CEP97: variants seen among roughly 807,000 people sequenced by gnomAD.
CEP97 encodes centrosomal protein 97.
Under a neutral mutation model 73.1 loss-of-function variants are expected in CEP97, and 43 were observed. That is an observed-to-expected ratio of 0.59 (90% CI 0.46 to 0.76). The LOEUF (loss-of-function observed/expected upper bound fraction) is 0.76. Ranked by LOEUF, CEP97 falls within the 30% of genes least tolerant of loss-of-function variation. CEP97 has a pLI of 0.00. For synonymous variants in CEP97, 337 were observed against 370.0 expected (o/e 0.91, Z 1.02); for missense variants, 939 against 1,014.0 (o/e 0.93, Z 1.00).
rs563439164 is a variant in CEP97 at position 101,765,785 on chromosome 3, A to T, written c.*234A>T. ...CCAAACTATTTATATTGAAAGCTAT[A>T]TGCACTTTATTTCTTAACTGAATTG... On this transcript the variant is annotated 3_prime_UTR_variant, in exon 11 of 11. Coordinates refer to ENST00000341893, the MANE Select transcript of CEP97 (RefSeq NM_024548.4). The T allele has an allele frequency of 1.5e-4, 59 of 404,182 alleles. No individual in the cohort carries two copies. The Middle Eastern group carries it at 2.5e-3, about 17-fold the overall frequency. 25.0% of individuals were successfully genotyped at this position (404,182 alleles called of 1,614,324 possible).
At chr3:101,749,576 TTCC>T (rs2107169328) in intron 6 of CEP97, among the ~76,000 whole-genome samples, 1 of 131,240 alleles carries the variant, frequency 7.6e-6, no homozygotes, top group African/African-American at 2.9e-5. Flanking sequence ...CCACACTGAC[TTCC>T]ACAATGGTTG....
intron 6 of CEP97, among the ~76,000 whole-genome samples, chr3:101,754,895 G>C (rs761666623): frequency 7.1e-6 from 1 of 140,490 alleles, no homozygotes; most frequent in East Asian, 2.3e-4. Flanking sequence ...ATTCAGGTTT[G>C]ATTTTTTTTT....
At position 101,742,054 on chromosome 3, in the gene CEP97, A is replaced by AAC. The variant is rs1553789009; in HGVS notation, c.728+9400_728+9401insAC. Among the ~76,000 whole-genome samples the AAC allele has an allele frequency of 1.8e-3, 264 of 149,014 alleles. 1 individual carries two copies. The highest frequency in any genetic ancestry group is 3.3e-3 in the African/African-American group (136 of 40,650). ...GAGACTCCGTCTCAAAAAAAAAAAA[A>AAC]CAAAAAAACAAAAAAACAAAAAAAA... On this transcript the variant is annotated intron_variant, in intron 6 of 10. Transcript: ENST00000341893.
chr3:101,736,920 A>G lies in CEP97; in HGVS notation c.728+4266A>G, dbSNP rs1560010799. Among the ~76,000 whole-genome samples, 4 of 152,254 alleles carry G rather than the reference A, an allele frequency of 2.6e-5. No homozygotes were observed. In the East Asian group the frequency reaches 7.7e-4, roughly 29 times the overall value. On this transcript the variant is annotated intron_variant, in intron 6 of 10. Transcript: ENST00000341893. ...GAGCTAAAGGAGCATATTCTAACCC[A>G]ATGCAAGGAAGCTAAGAACCTTGAA...
At chr3:101,763,025 C>T (rs1276707501) in intron 10 of CEP97, 2 of 1,189,732 alleles carry the variant, frequency 1.7e-6, no homozygotes, top group Non-Finnish European at 2.2e-6. Flanking sequence ...GTTGGTTTTA[C>T]TAGCATTGTA....
chr3:101,726,775 A>G (rs373314714), intron 2 of CEP97, 39 bp downstream of exon 2: 9 of 1,427,102 alleles, frequency 6.3e-6, no homozygotes, highest in South Asian at 1.3e-5. Flanking sequence ...CATAGGATCA[A>G]TTTATTATTA....
At chr3:101,762,698 A>G in intron 10 of CEP97, 138 bp downstream of exon 10, 1 of 556,760 alleles carries the variant, frequency 1.8e-6, no homozygotes, top group Non-Finnish European at 3.1e-6. Context: ...TTCGCCACTA[A>G]CTGTGAACTA....
rs1415251629 is a variant in CEP97, at chr3:101,757,196, G to A, written c.1027G>A (p.Glu343Lys). Residue 343 changes from glutamate to lysine, a missense_variant and splice_region_variant, in exon 8 of 11, where the codon GAA (glutamate) becomes AAA (lysine). Transcript: ENST00000341893. ...VQDCQISQES[E>K]PVIQVNSWVG... is the part of the protein sequence containing the mutation. ...AGATTGCCAGATATCCCAGGAAAGTGGTAAGAAATGAATTTATCTCTGATC... is the reference window on the plus strand; with the variant it reads ...AGATTGCCAGATATCCCAGGAAAGTAGTAAGAAATGAATTTATCTCTGATC... 15 of 1,599,586 alleles carry A rather than the reference G, an allele frequency of 9.4e-6. No homozygotes were observed. The Middle Eastern group carries it at 5.0e-4, about 53-fold the overall frequency.
At chr3:101,726,838 A>T in intron 2 of CEP97, 102 bp downstream of exon 2, 1 of 805,238 alleles carries the variant, frequency 1.2e-6, no homozygotes, top group Non-Finnish European at 1.9e-6. Flanking sequence ...CCTAGCAAGC[A>T]GTCATTGTTG....
In CEP97 at chr3:101,762,527, A is replaced by T. The variant is rs1295357241; in HGVS notation, c.1860A>T (p.Val620=). ...ATGAAGAACGTATTAAAAAATTTGT[A>T]CAAGAAGAAGCTTTCAGATTCCTTT... The part of the protein sequence containing the change: ...ERDEERIKKF[V]QEEAFRFLWN... Residue 620 remains valine, a synonymous_variant, in exon 10 of 11, where the codon GTA becomes GTT. Coordinates refer to ENST00000341893, the MANE Select transcript of CEP97 (RefSeq NM_024548.4). 1.2e-6 allele frequency: 2 copies of T among 1,611,466 alleles called. No homozygotes were observed. Among genetic ancestry groups the T allele is most frequent in the Non-Finnish European group, 1.7e-6 (2 of 1,178,726 alleles).
chr3:101,728,461 G>A (rs140949500), intron 3 of CEP97, among the ~76,000 whole-genome samples: 9,722 of 151,816 alleles, frequency 0.064, 327 homozygotes, highest in Middle Eastern at 0.12. Flanking sequence ...ACAGGGTTTC[G>A]CCATGTTGGC....
At position 101,727,426 on chromosome 3, in the gene CEP97, C is replaced by T. The variant is rs143663483; in HGVS notation, c.230C>T (p.Ala77Val). 52 of 1,613,734 alleles carry T rather than the reference C, an allele frequency of 3.2e-5. No individual in the cohort carries two copies. In the African/African-American group the frequency reaches 5.6e-4, roughly 17 times the overall value. ...NNRLVRMMGV[A>V]KLTLLRVLNL... ...CGGCTGGTTCGGATGATGGGTGTGG[C>T]CAAGCTGACGTTGCTTCGTGTATTA... The change falls in exon 3 of 11, where the codon GCC (alanine) becomes GTC (valine). Residue 77 changes from alanine (A) to valine (V), a missense_variant. By Grantham distance (64) the Ala-to-Val change is moderately conservative. Transcript: ENST00000341893.
chr3:101,762,882 C>G (rs1331842101), intron 10 of CEP97, among the ~76,000 whole-genome samples: 1 of 152,104 alleles, frequency 6.6e-6, no homozygotes, highest in Non-Finnish European at 1.5e-5. Flanking sequence ...ATCGATCTGT[C>G]TTTTGGGAAT....
At position 101,732,492 on chromosome 3, in the gene CEP97, C is replaced by CT; in HGVS notation, c.572dup (p.Leu191PhefsTer6). On this transcript the variant is annotated frameshift_variant, in exon 6 of 11. Coordinates refer to ENST00000341893, the MANE Select transcript of CEP97 (RefSeq NM_024548.4). LOFTEE classifies it high-confidence loss of function. ...CAAAGATATCTTTTGTTCCAGATCTCTTTTTTGGCATCCTTAACTGAATTG... is the reference window on the plus strand; with the variant it reads ...CAAAGATATCTTTTGTTCCAGATCTCTTTTTTTGGCATCCTTAACTGAATTG... 2 of 1,601,340 alleles carry CT rather than the reference C, an allele frequency of 1.2e-6. No homozygotes were observed. Among genetic ancestry groups the CT allele is most frequent in the Non-Finnish European group, 1.7e-6 (2 of 1,170,756 alleles).
chr3:101,734,214 G>A (rs2107139449), intron 6 of CEP97, among the ~76,000 whole-genome samples: 1 of 152,296 alleles, frequency 6.6e-6, no homozygotes, highest in East Asian at 1.9e-4. Context: ...CTTGGAGCTG[G>A]GATCCCTGCA....
intron 6 of CEP97, among the ~76,000 whole-genome samples, chr3:101,738,342 G>A (rs892243466): frequency 6.6e-6 from 1 of 152,106 alleles, no homozygotes; most frequent in African/African-American, 2.4e-5. Flanking sequence ...GGACCAAGCA[G>A]ACCTAATAGA....
chr3:101,738,581 A>G (rs1238054661), intron 6 of CEP97, among the ~76,000 whole-genome samples: 2 of 152,334 alleles, frequency 1.3e-5, no homozygotes, highest in East Asian at 3.9e-4. Context: ...CTCCTCCTGA[A>G]TAACTACTGG....
rs138254196 is a variant in CEP97 at position 101,736,074 on chromosome 3, C to G, written c.728+3420C>G. On this transcript the variant is annotated intron_variant, in intron 6 of 10. Transcript: ENST00000341893. ...TTTCCCCTCACAGTGTAAACAAAATCTCCCGCAAGTTCAAACTGGGCAGAG... is the reference window on the plus strand; with the variant it reads ...TTTCCCCTCACAGTGTAAACAAAATGTCCCGCAAGTTCAAACTGGGCAGAG... Among the ~76,000 whole-genome samples, 99 of 152,332 alleles carry G rather than the reference C, an allele frequency of 6.5e-4. 1 individual carries two copies. Among genetic ancestry groups the G allele is most frequent in the African/African-American group, 2.3e-3 (96 of 41,566 alleles).
intron 1 of CEP97, among the ~76,000 whole-genome samples, chr3:101,725,372 G>C (rs975729544): frequency 1.3e-5 from 2 of 152,166 alleles, no homozygotes; most frequent in Non-Finnish European, 2.9e-5. Context: ...TTTTGTTTTG[G>C]TTACAGCTCC....
Sources: gnomAD v4.1 joint callset for allele counts (sites outside exome capture counted in the v4.1 genomes callset) on GRCh38, gnomAD v4.1.1 for gene constraint, MANE v1.5 for transcripts, NCBI Gene and HGNC (gene_info 2026-07-23, HGNC 2026-07-21) for gene names.